Variants in COL15A1 observed in about 807,000 individuals in gnomAD.
The protein encoded by COL15A1 is collagen alpha-1(XV) chain.
In COL15A1, 111 loss-of-function variants were observed where a neutral mutation model predicts 165.9. The observed-to-expected ratio is 0.67, with a 90% CI of 0.57 to 0.78. The LOEUF is 0.78. Among genes scored for constraint, COL15A1 ranks in the 30% least tolerant of loss-of-function variants. The pLI, the probability that COL15A1 is intolerant of heterozygous loss-of-function variation, is 0.00. For missense variants in COL15A1, 1,745 were observed against 1,789.7 expected (o/e 0.98, Z 0.45); for synonymous variants, 659 against 674.8 (o/e 0.98, Z 0.36).
In COL15A1 at chr9:98,985,649, G is replaced by T; in HGVS notation, c.185G>T (p.Gly62Val). 5.0e-6 allele frequency: 8 copies of T among 1,614,256 alleles called. No homozygotes were observed. The highest frequency in any genetic ancestry group is 6.8e-6 in the Non-Finnish European group (8 of 1,180,052). The change falls in exon 3 of 42, where the codon GGT becomes GTT. Residue 62 changes from glycine (G) to valine (V), a missense_variant. By Grantham distance (109) the Gly-to-Val change is moderately radical. Transcript: ENST00000375001. ...TCCGTATCCTTTGTCACAGGCTATG[G>T]TGGCTTCCCGGCCTACAGTTTCGGG... is the stretch of plus-strand genomic sequence containing the variant. ...PSSVSFVTGY[G>V]GFPAYSFGPG...
At chr9:98,948,228 T>C (rs2118742787) in intron 2 of COL15A1, among the ~76,000 whole-genome samples, 1 of 152,252 alleles carries the variant, frequency 6.6e-6, no homozygotes, top group Non-Finnish European at 1.5e-5. Flanking sequence ...ATGCCATTTT[T>C]CCTGAAGTCT....
At chr9:98,989,940 T>C (rs1458693499) in intron 5 of COL15A1, among the ~76,000 whole-genome samples, 1 of 152,218 alleles carries the variant, frequency 6.6e-6, no homozygotes, top group African/African-American at 2.4e-5. Flanking sequence ...AGCCTGTTTT[T>C]AATGAAAACA....
Position 99,005,898 on chromosome 9 carries a change from C to A in COL15A1, c.1353+848C>A, listed in dbSNP as rs1838754699. Among the ~76,000 whole-genome samples, 3 of 152,340 alleles carry A rather than the reference C, an allele frequency of 2.0e-5. No homozygotes were observed. The South Asian group carries it at 6.2e-4, about 32-fold the overall frequency. On this transcript the variant is annotated intron_variant, in intron 9 of 41. Transcript: ENST00000375001. ...GCTTCCCATCGCCCTTCCCTGCAGA[C>A]CCAGCTCCCATACCTGGCCTGAGAG...
At chr9:99,068,992 G>A (rs1383828916) in intron 41 of COL15A1, among the ~76,000 whole-genome samples, 1 of 152,204 alleles carries the variant, frequency 6.6e-6, no homozygotes, top group Non-Finnish European at 1.5e-5. Context: ...CACGCAGTGG[G>A]CACATAATAA....
chr9:98,966,274 A>T (rs1181115726), intron 2 of COL15A1, among the ~76,000 whole-genome samples: 1 of 152,182 alleles, frequency 6.6e-6, no homozygotes, highest in Non-Finnish European at 1.5e-5. Context: ...AAGACTTAGA[A>T]AGCTCAGAAT....
At chr9:98,982,505 A>G (rs1838248912) in intron 2 of COL15A1, among the ~76,000 whole-genome samples, 1 of 152,164 alleles carries the variant, frequency 6.6e-6, no homozygotes, top group Non-Finnish European at 1.5e-5. Flanking sequence ...GGTACGATAG[A>G]AACTTAGAGG....
At chr9:99,028,206 G>T (rs1186122491) in intron 16 of COL15A1, among the ~76,000 whole-genome samples, 1 of 152,128 alleles carries the variant, frequency 6.6e-6, no homozygotes, top group Admixed American at 6.5e-5. Context: ...TCTCTACAAA[G>T]AATAAGGTTC....
At chr9:98,980,291 G>C (rs902097786) in intron 2 of COL15A1, among the ~76,000 whole-genome samples, 8 of 152,242 alleles carry the variant, frequency 5.3e-5, no homozygotes, top group Admixed American at 1.3e-4. Flanking sequence ...TGACCCAATA[G>C]TGACATGCAG....
intron 21 of COL15A1, among the ~76,000 whole-genome samples, chr9:99,037,676 C>G (rs1246895892): frequency 2.0e-5 from 3 of 152,110 alleles, no homozygotes; most frequent in African/African-American, 7.2e-5. Flanking sequence ...AACTGACAGG[C>G]AAATGAACAT....
chr9:99,020,310 AG>A lies in COL15A1; in HGVS notation c.1648-76del, dbSNP rs137989541. 9.7e-3 allele frequency: 9,893 copies of A among 1,018,382 alleles called. 72 individuals are homozygous for A. The highest frequency in any genetic ancestry group is 0.013 in the Non-Finnish European group (8,410 of 639,902). 63.1% of individuals were successfully genotyped at this position (1,018,382 alleles called of 1,614,324 possible). On this transcript the variant is annotated intron_variant, in intron 11 of 41. Coordinates refer to ENST00000375001, the MANE Select transcript of COL15A1 (RefSeq NM_001855.5). ...CATGCCCAGCTCACTGACCAGGACC[AG>A]GGAATGTCATCGGAACTCAGCAGCC... is the stretch of plus-strand genomic sequence containing the variant.
chr9:99,052,502 C>A, intron 31 of COL15A1, 69 bp downstream of exon 31: 1 of 1,301,640 alleles, frequency 7.7e-7, no homozygotes, highest in Non-Finnish European at 1.1e-6. Flanking sequence ...TTTCCTTTGC[C>A]CAGTGCAGGG....
chr9:99,020,543 C>A, intron 12 of COL15A1, 101 bp downstream of exon 12: 1 of 822,042 alleles, frequency 1.2e-6, no homozygotes, highest in Non-Finnish European at 2.1e-6. Flanking sequence ...AAGGGGATCG[C>A]AGAAGCAGCA....
intron 18 of COL15A1, 77 bp from the exon 19 acceptor site, chr9:99,035,273 A>G: frequency 6.2e-7 from 1 of 1,609,432 alleles, no homozygotes; most frequent in African/African-American, 1.3e-5. Flanking sequence ...GTGAGCCGCC[A>G]GCTTCCAACA....
intron 9 of COL15A1, among the ~76,000 whole-genome samples, chr9:99,011,056 G>A (rs1475268891): frequency 1.3e-5 from 2 of 152,196 alleles, no homozygotes; most frequent in Admixed American, 6.5e-5. Context: ...AAAATGAGTT[G>A]AAGATTAGTT....
At chr9:98,952,675 C>CCA (rs1184574656) in intron 2 of COL15A1, among the ~76,000 whole-genome samples, 1 of 152,178 alleles carries the variant, frequency 6.6e-6, no homozygotes, top group African/African-American at 2.4e-5. Flanking sequence ...GCATGAGCCA[C>CCA]CACACTTGGC....
intron 15 of COL15A1, among the ~76,000 whole-genome samples, chr9:99,025,272 G>A (rs760689340): frequency 1.3e-5 from 2 of 152,190 alleles, no homozygotes; most frequent in African/African-American, 2.4e-5. Flanking sequence ...AGCTTAAGAT[G>A]TTTTTGACTT....
At chr9:98,996,892 T>G (rs748922875) in intron 5 of COL15A1, 42 bp from the exon 6 acceptor site, 1 of 1,607,200 alleles carries the variant, frequency 6.2e-7, no homozygotes, top group Non-Finnish European at 8.5e-7. Context: ...TCTGCTTTAC[T>G]GCCAAGTAAA....
chr9:99,061,372 A>T (rs1825813118), intron 36 of COL15A1, among the ~76,000 whole-genome samples: 1 of 152,250 alleles, frequency 6.6e-6, no homozygotes, highest in Admixed American at 6.5e-5. Context: ...TAGCTTCTGT[A>T]TGTGCTTCTA....
At chr9:99,041,692 G>A (rs1031593229) in intron 23 of COL15A1, among the ~76,000 whole-genome samples, 11 of 152,304 alleles carry the variant, frequency 7.2e-5, no homozygotes, top group East Asian at 1.9e-4. Context: ...GGTGGGAGTC[G>A]TGGAAGGGGA....
Sources: allele counts gnomAD v4.1 joint callset (sites outside exome capture counted in the v4.1 genomes callset), GRCh38; gene constraint gnomAD v4.1.1; transcripts MANE v1.5; gene names NCBI Gene and HGNC (gene_info 2026-07-23, HGNC 2026-07-21).